Variants in UST observed in about 807,000 individuals in gnomAD.
UST encodes the protein chondroitin sulfate 2-O-sulfotransferase.
A neutral mutation model predicts 45.6 loss-of-function variants in UST; 21 were observed. The ratio of observed to expected loss-of-function variants is 0.46; its 90% CI spans 0.33 to 0.66. The LOEUF (loss-of-function observed/expected upper bound fraction) is 0.66, where lower values mean the gene tolerates loss of function less well. Ranked by LOEUF, UST falls within the 30% of genes least tolerant of loss-of-function variation. UST has a pLI of 0.02. For synonymous variants in UST, 215 were observed against 200.6 expected (o/e 1.07, Z -0.61); for missense variants, 463 against 512.4 (o/e 0.90, Z 0.93).
rs1775978528 is a variant in UST at position 149,021,312 on chromosome 6, A to C, written c.780-12A>C. On this transcript the variant is annotated splice_polypyrimidine_tract_variant and intron_variant, in intron 6 of 7. Coordinates refer to ENST00000367463, the MANE Select transcript of UST (RefSeq NM_005715.3). ...AATGTCTGATTTTAAATAAATTTTT[A>C]TATCCATAAAGGGAGCCTGGTGAAT... is the stretch of plus-strand genomic sequence containing the variant. 3.2e-6 allele frequency: 5 copies of C among 1,585,330 alleles called. No homozygotes were observed. In the Admixed American group the frequency reaches 9.0e-5, roughly 29 times the overall value.
chr6:148,787,384 T>C (rs931029503), intron 1 of UST, among the ~76,000 whole-genome samples: 2 of 152,214 alleles, frequency 1.3e-5, no homozygotes, highest in Non-Finnish European at 2.9e-5. Context: ...AAGGAAGGGG[T>C]CCAGTTTCAA....
At chr6:148,863,244 A>G (rs1444179198) in intron 1 of UST, among the ~76,000 whole-genome samples, 2 of 152,014 alleles carry the variant, frequency 1.3e-5, no homozygotes, top group African/African-American at 4.8e-5. Context: ...CTTTTCATTC[A>G]TTTGATCTTC....
intron 7 of UST, among the ~76,000 whole-genome samples, chr6:149,030,160 A>C (rs567377448): frequency 6.6e-6 from 1 of 152,296 alleles, no homozygotes; most frequent in Admixed American, 6.5e-5. Flanking sequence ...AAGAGGCTGA[A>C]CAACTTGCTC....
At chr6:148,772,317 G>A (rs891626683) in intron 1 of UST, among the ~76,000 whole-genome samples, 1 of 152,162 alleles carries the variant, frequency 6.6e-6, no homozygotes, top group Non-Finnish European at 1.5e-5. Context: ...CACTGGGTGG[G>A]TGATTAAGGA....
At chr6:149,061,006 G>A (rs1776645836) in intron 7 of UST, among the ~76,000 whole-genome samples, 1 of 152,146 alleles carries the variant, frequency 6.6e-6, no homozygotes, top group African/African-American at 2.4e-5. Context: ...AAGGGAAGAG[G>A]GCTCTGGTCA....
intron 5 of UST, among the ~76,000 whole-genome samples, chr6:148,974,083 G>A (rs1780971895): frequency 6.6e-6 from 1 of 152,194 alleles, no homozygotes; most frequent in Non-Finnish European, 1.5e-5. Flanking sequence ...AAGGAGGATG[G>A]AAACTAAGAA....
chr6:148,957,406 G>A (rs1324892870), intron 4 of UST, among the ~76,000 whole-genome samples: 1 of 152,210 alleles, frequency 6.6e-6, no homozygotes, highest in Admixed American at 6.5e-5. Flanking sequence ...GCAATTGACA[G>A]AGAAAAACAA....
At chr6:149,021,230 G>A in intron 6 of UST, 94 bp from the exon 7 acceptor site, 1 of 1,356,424 alleles carries the variant, frequency 7.4e-7, no homozygotes, top group Non-Finnish European at 1.0e-6. Flanking sequence ...ACTTATGCAA[G>A]TGAAGGTGGG....
At chr6:149,073,802 T>G (rs1403272960) in intron 7 of UST, 31 bp from the exon 8 acceptor site, 1 of 1,601,704 alleles carries the variant, frequency 6.2e-7, no homozygotes, top group Admixed American at 1.7e-5. Flanking sequence ...CTGCAAATGA[T>G]GGCTCATGTG....
chr6:148,965,774 G>A (rs2340749), intron 5 of UST, among the ~76,000 whole-genome samples: 69,764 of 151,850 alleles, frequency 0.46, 17,435 homozygotes, highest in African/African-American at 0.67. Flanking sequence ...ACTCACCTTC[G>A]GTATTTGATC....
chr6:148,920,166 G>A (rs1289814284), intron 2 of UST, among the ~76,000 whole-genome samples: 2 of 146,132 alleles, frequency 1.4e-5, no homozygotes, highest in African/African-American at 5.6e-5. Flanking sequence ...AGACCGGCTT[G>A]TGATTGGCTG....
intron 5 of UST, among the ~76,000 whole-genome samples, chr6:149,004,994 C>T (rs1781620234): frequency 8.9e-6 from 1 of 112,316 alleles, no homozygotes; most frequent in Admixed American, 8.9e-5. Context: ...AACCACTATA[C>T]CTCCAGCTGA....
At chr6:149,037,731 C>G (rs559636301) in intron 7 of UST, among the ~76,000 whole-genome samples, 1 of 152,342 alleles carries the variant, frequency 6.6e-6, no homozygotes, top group African/African-American at 2.4e-5. Flanking sequence ...CATTTGGAAG[C>G]TTTGATGGGA....
intron 2 of UST, among the ~76,000 whole-genome samples, chr6:148,929,532 T>C (rs1779882782): frequency 6.6e-6 from 1 of 152,210 alleles, no homozygotes; most frequent in South Asian, 2.1e-4. Flanking sequence ...CTGAGGACAA[T>C]GCTGGCATTT....
At chr6:148,809,168 G>A (rs1777205520) in intron 1 of UST, among the ~76,000 whole-genome samples, 1 of 152,236 alleles carries the variant, frequency 6.6e-6, no homozygotes, top group South Asian at 2.1e-4. Flanking sequence ...GCTCACTCAG[G>A]CCTTTGGCAC....
At chr6:148,849,427 C>G (rs781371464) in intron 1 of UST, among the ~76,000 whole-genome samples, 1 of 152,116 alleles carries the variant, frequency 6.6e-6, no homozygotes, top group Non-Finnish European at 1.5e-5. Context: ...TTTGGAAACT[C>G]CTTTTGCCAC....
intron 2 of UST, among the ~76,000 whole-genome samples, chr6:148,904,992 G>A (rs570360283): frequency 3.3e-4 from 50 of 152,254 alleles, no homozygotes; most frequent in African/African-American, 1.2e-3. Context: ...TCCAAGTCCC[G>A]GCTCCTACTC....
At chr6:148,929,926 A>G (rs1290140649) in intron 2 of UST, among the ~76,000 whole-genome samples, 3 of 152,200 alleles carry the variant, frequency 2.0e-5, no homozygotes, top group African/African-American at 7.2e-5. Context: ...GATGTGAAAA[A>G]TGCCAAGAAG....
At chr6:148,801,417 T>C (rs1777055717) in intron 1 of UST, among the ~76,000 whole-genome samples, 1 of 152,160 alleles carries the variant, frequency 6.6e-6, no homozygotes, top group African/African-American at 2.4e-5. Flanking sequence ...CTAGACTAGA[T>C]GGTAGGGTAG....
Sources: gnomAD v4.1 joint callset for allele counts (sites outside exome capture counted in the v4.1 genomes callset) on GRCh38, gnomAD v4.1.1 for gene constraint, MANE v1.5 for transcripts, NCBI Gene and HGNC (gene_info 2026-07-23, HGNC 2026-07-21) for gene names.